Variants in INO80 observed in about 807,000 individuals in gnomAD.
INO80 encodes INO80 complex ATPase subunit.
In INO80, 20 loss-of-function variants were observed where a neutral mutation model predicts 203.4. That is an observed-to-expected ratio of 0.10 (90% CI 0.07 to 0.14). The LOEUF (loss-of-function observed/expected upper bound fraction) is 0.14, where lower values mean the gene tolerates loss of function less well. Ranked by LOEUF, INO80 falls within the 10% of genes least tolerant of loss-of-function variation. The probability of loss-of-function intolerance (pLI) is 1.00; values close to 1 mark genes in which losing one functional copy is unlikely to be tolerated. For missense variants in INO80, 1,419 were observed against 1,914.4 expected (o/e 0.74, Z 4.83); for synonymous variants, 726 against 685.2 (o/e 1.06, Z -0.93).
chr15:40,982,685 C>T (rs1044190245), intron 35 of INO80, among the ~76,000 whole-genome samples, 177 bp downstream of exon 35: 18 of 152,160 alleles, frequency 1.2e-4, no homozygotes, highest in Non-Finnish European at 2.5e-4. Context: ...AGCCCTGTAC[C>T]GTCAGGAGGG....
chr15:41,081,135 A>G, intron 7 of INO80, 62 bp from the exon 8 acceptor site: 2 of 1,049,268 alleles, frequency 1.9e-6, no homozygotes, highest in South Asian at 2.6e-5. Flanking sequence ...ACTATGTAGA[A>G]TGAACAGTCT....
At chr15:41,095,691 T>TA (rs756291592) in intron 3 of INO80, 23 bp from the exon 4 acceptor site, 20 of 1,606,988 alleles carry the variant, frequency 1.2e-5, no homozygotes, top group Non-Finnish European at 1.7e-5. Flanking sequence ...ACACAAAGAA[T>TA]AAAAAAATTA....
chr15:40,997,702 C>A (rs1486481191), intron 28 of INO80, 101 bp from the exon 29 acceptor site: 4 of 774,454 alleles, frequency 5.2e-6, no homozygotes, highest in African/African-American at 3.4e-5. Flanking sequence ...AAGTCTAGGA[C>A]TAAAAAGAGT....
At chr15:41,015,774 TAAAAAAAAAAAA>T (rs999539137) in intron 27 of INO80, among the ~76,000 whole-genome samples, 1 of 93,116 alleles carries the variant, frequency 1.1e-5, no homozygotes, top group Admixed American at 1.2e-4. Context: ...CATCTCTACT[TAAAAAAAAAAAA>T]AAAAAAAAAA....
chr15:40,985,955 T>C lies in INO80; in HGVS notation c.3833-529A>G, dbSNP rs142357383. ...TCCTCATGTTATTCTTTTTCCCTTT[T>C]TCATTTCAGCCTTTTAATCTCTGCT... On this transcript the variant is annotated intron_variant, in intron 31 of 35. Transcript: ENST00000648947. 1.0e-3 allele frequency among the ~76,000 whole-genome samples: 153 copies of C among 152,302 alleles called. 1 individual carries two copies. Among genetic ancestry groups the C allele is most frequent in the African/African-American group, 3.4e-3 (143 of 41,562 alleles).
chr15:40,984,130 T>C lies in INO80; in HGVS notation c.4077+67A>G. The C allele has an allele frequency of 6.6e-6, 10 of 1,510,544 alleles. No homozygotes were observed. In the South Asian group the frequency reaches 9.4e-5, roughly 14 times the overall value. The allele number at this position is 1,510,544 out of a possible 1,614,324, so 93.6% of individuals were successfully genotyped here. A position where few individuals can be genotyped will look rare whatever the true frequency, so the allele number is the denominator to read the frequency against. On this transcript the variant is annotated intron_variant, in intron 33 of 35. Coordinates refer to ENST00000648947, the MANE Select transcript of INO80 (RefSeq NM_017553.3). ...AGGAGAAGCAAAGACTGCCCAGCAG[T>C]GTGTCCCTGCTACACGGTCAGGACA...
intron 27 of INO80, among the ~76,000 whole-genome samples, chr15:41,009,414 T>G (rs1337087012): frequency 3.1e-5 from 4 of 128,012 alleles, no homozygotes; most frequent in South Asian, 2.5e-4. Flanking sequence ...CCCAGAGTGT[T>G]ATGTTCCCCT....
rs138780631 is a variant in INO80, at chr15:41,002,588, C to T, written c.3497+3005G>A. On this transcript the variant is annotated intron_variant, in intron 28 of 35. Transcript: ENST00000648947. ...AACATACTACAGCTCTGGTTGGGGT[C>T]TATATTAGCAGAATTTTCTACAAAG... 5.6e-3 allele frequency among the ~76,000 whole-genome samples: 846 copies of T among 152,244 alleles called. 10 individuals carry two copies. Among genetic ancestry groups the T allele is most frequent in the Non-Finnish European group, 6.8e-3 (463 of 68,010 alleles).
At chr15:41,069,113 T>C (rs994549867) in intron 14 of INO80, among the ~76,000 whole-genome samples, 1 of 152,188 alleles carries the variant, frequency 6.6e-6, no homozygotes, top group Admixed American at 6.6e-5. Flanking sequence ...ATATGCAAGT[T>C]ATTTTGGAAC....
chr15:41,113,048 T>A (rs567067916), intron 1 of INO80, among the ~76,000 whole-genome samples: 15 of 151,384 alleles, frequency 9.9e-5, no homozygotes, highest in African/African-American at 3.4e-4. Flanking sequence ...CCCAAGTAGC[T>A]GGGACTACAG....
At position 41,095,881 on chromosome 15, in the gene INO80, T is replaced by C. The variant is rs779709587; in HGVS notation, c.191A>G (p.Gln64Arg). Residue 64 changes from glutamine to arginine, a missense_variant, in exon 3 of 36, where the codon CAG becomes CGG. Physicochemically the swap from Gln to Arg is conservative, Grantham distance 43 (BLOSUM62 1). Around this residue, in one of 9 missense-constraint regions of INO80, gnomAD observed 323 missense variants for 325.4 expected, o/e 0.99. Transcript: ENST00000648947. ...AACTTGTATTAAGGGATCCCCAGAC[T>C]GGGGCAATAATGGATTACTGTCATC... ...GLDDSNPLLP[Q>R]SGDPLIQVKE... is the part of the protein sequence containing the mutation. The C allele has an allele frequency of 1.4e-5, 23 of 1,614,078 alleles. No individual in the cohort carries two copies. Among genetic ancestry groups the C allele is most frequent in the Non-Finnish European group, 1.9e-5 (23 of 1,179,948 alleles).
At chr15:40,998,590 G>A (rs1267742891) in intron 28 of INO80, among the ~76,000 whole-genome samples, 4 of 151,828 alleles carry the variant, frequency 2.6e-5, no homozygotes, top group Middle Eastern at 3.5e-3. Context: ...TCACTCACTC[G>A]AGCAACAAAT....
At chr15:41,087,728 C>A in intron 5 of INO80, 46 bp from the exon 6 acceptor site, 2 of 1,560,234 alleles carry the variant, frequency 1.3e-6, no homozygotes, top group Non-Finnish European at 1.7e-6. Flanking sequence ...TATAGTACAG[C>A]TTTCAAATTA....
At chr15:41,056,089 A>G (rs2044979517) in intron 17 of INO80, among the ~76,000 whole-genome samples, 1 of 151,818 alleles carries the variant, frequency 6.6e-6, no homozygotes, top group East Asian at 1.9e-4. Context: ...GACTACAGGC[A>G]TGCACCACTA....
chr15:41,038,912 C>A (rs1313002708), intron 24 of INO80, among the ~76,000 whole-genome samples: 1 of 152,194 alleles, frequency 6.6e-6, no homozygotes, highest in Non-Finnish European at 1.5e-5. Context: ...CATGGCTTCA[C>A]ATTGGCTACC....
At chr15:41,106,255 G>A (rs924203184) in intron 1 of INO80, among the ~76,000 whole-genome samples, 16 of 151,900 alleles carry the variant, frequency 1.1e-4, no homozygotes, top group Non-Finnish European at 1.6e-4. Flanking sequence ...GTGGTGGCGA[G>A]CACCTATAGT....
chr15:41,060,028 G>A (rs374723022), intron 14 of INO80, 102 bp from the exon 15 acceptor site: 4 of 791,396 alleles, frequency 5.1e-6, no homozygotes, highest in Non-Finnish European at 7.9e-6. Flanking sequence ...CTAATAAAAT[G>A]AGCATAGGAA....
chr15:41,027,306 A>G (rs1441700087), intron 25 of INO80, among the ~76,000 whole-genome samples: 1 of 152,148 alleles, frequency 6.6e-6, no homozygotes, highest in Non-Finnish European at 1.5e-5. Context: ...TGGGTGATAT[A>G]TATTCTACCT....
Position 40,982,973 on chromosome 15 carries a change from G to A in INO80, c.4342C>T (p.Arg1448Trp), listed in dbSNP as rs201844485. 3.5e-5 allele frequency: 57 copies of A among 1,614,166 alleles called. No individual in the cohort carries two copies. The highest frequency in any genetic ancestry group is 5.3e-5 in the African/African-American group (4 of 75,048). ...CTGCCTGCCGTGGACTTTCGGCTCC[G>A]GCCCTTCCCTGCTCCTTTGGCTGTG... ...GSTAKGAGKGRSRKSTAGSAA... is the reference protein window; with the variant it reads ...GSTAKGAGKGWSRKSTAGSAA... Residue 1448 changes from arginine to tryptophan, a missense_variant, in exon 35 of 36, where the codon CGG becomes TGG. Arg to Trp is a moderately radical substitution (Grantham distance 101). This residue lies in a region of INO80 where 214 missense variants were observed against 248.9 expected (regional missense o/e 0.86). Transcript: ENST00000648947.
Sources: gnomAD v4.1 joint callset for allele counts (sites outside exome capture counted in the v4.1 genomes callset) on GRCh38, gnomAD v4.1.1 for gene constraint, gnomAD v4.1.1 regional missense constraint, MANE v1.5 for transcripts, NCBI Gene and HGNC (gene_info 2026-07-23, HGNC 2026-07-21) for gene names.